Variants in WNT3 observed in about 807,000 individuals in gnomAD.
WNT3 encodes the protein Wnt family member 3, also known as proto-oncogene Wnt-3.
Under a neutral mutation model 34.2 loss-of-function variants are expected in WNT3, and 7 were observed. That is an observed-to-expected ratio of 0.20 (90% CI 0.12 to 0.38). The LOEUF (loss-of-function observed/expected upper bound fraction) is 0.38, where lower values mean the gene tolerates loss of function less well. WNT3 is among the 10% of genes least tolerant of loss of function. The pLI is 1.00. For synonymous variants in WNT3, 212 were observed against 211.5 expected (o/e 1.00, Z -0.02); for missense variants, 267 against 499.8 (o/e 0.53, Z 4.44).
intron 2 of WNT3, 33 bp downstream of exon 2, chr17:46,773,635 G>GGC: frequency 9.2e-6 from 2 of 218,074 alleles, no homozygotes; most frequent in Admixed American, 8.2e-5. Context: ...CCCCCACCCA[G>GGC]CCCCTCCCCC....
chr17:46,783,879 G>A (rs886363550), intron 1 of WNT3, among the ~76,000 whole-genome samples: 3 of 152,214 alleles, frequency 2.0e-5, no homozygotes, highest in African/African-American at 4.8e-5. Context: ...GACATTATTC[G>A]GACAAACTAG....
chr17:46,767,053 G>A (rs559312154), intron 4 of WNT3, among the ~76,000 whole-genome samples: 6 of 152,028 alleles, frequency 3.9e-5, no homozygotes, highest in Admixed American at 1.3e-4. Flanking sequence ...CTCATGCCTC[G>A]ACACACTAGG....
At chr17:46,770,917 A>G (rs969913197) in intron 2 of WNT3, among the ~76,000 whole-genome samples, 1 of 152,230 alleles carries the variant, frequency 6.6e-6, no homozygotes, top group African/African-American at 2.4e-5. Flanking sequence ...CTGCAGCCCA[A>G]CCATCTCTCT....
intron 1 of WNT3, among the ~76,000 whole-genome samples, chr17:46,775,572 GC>G (rs1471854416): frequency 6.6e-6 from 1 of 150,864 alleles, no homozygotes; most frequent in East Asian, 1.9e-4. Context: ...TAAGCACTGA[GC>G]TTTTTCTAAA....
chr17:46,818,564 G>GCA lies in WNT3; in HGVS notation c.33_34insTG (p.Leu12CysfsTer63), dbSNP rs1220417498. On this transcript the variant is annotated frameshift_variant, in exon 1 of 5. Coordinates refer to ENST00000225512, the MANE Select transcript of WNT3 (RefSeq NM_030753.5). LOFTEE classifies it high-confidence loss of function. Reference sequence around the variant, plus strand: ...AGGACCCTGGTGCCACCGAGCAGGAGGCCGAGGAGCAGCCCGAGCAGGTGG... The same window carrying GCA: ...AGGACCCTGGTGCCACCGAGCAGGAGCAGCCGAGGAGCAGCCCGAGCAGGTGG... 6.2e-7 allele frequency: 1 copy of GCA among 1,608,812 alleles called. No homozygotes were observed. Among genetic ancestry groups the GCA allele is most frequent in the Non-Finnish European group, 8.5e-7 (1 of 1,178,342 alleles).
intron 1 of WNT3, among the ~76,000 whole-genome samples, chr17:46,784,917 A>G (rs1323186442): frequency 6.6e-6 from 1 of 151,734 alleles, no homozygotes; most frequent in Non-Finnish European, 1.5e-5. Context: ...CTGGGACTAC[A>G]GGCACCCGCC....
intron 2 of WNT3, among the ~76,000 whole-genome samples, chr17:46,772,168 C>G (rs2059379936): frequency 6.6e-6 from 1 of 152,220 alleles, no homozygotes; most frequent in African/African-American, 2.4e-5. Context: ...TGGGCACCGA[C>G]CGGGGCGCGT....
At chr17:46,778,865 C>G (rs2059433317) in intron 1 of WNT3, among the ~76,000 whole-genome samples, 1 of 152,136 alleles carries the variant, frequency 6.6e-6, no homozygotes, top group Non-Finnish European at 1.5e-5. Context: ...CATTCTAAAG[C>G]CTTCTGTGAG....
intron 1 of WNT3, among the ~76,000 whole-genome samples, chr17:46,815,183 C>CAAGAAG (rs1296375015): frequency 1.3e-5 from 2 of 151,762 alleles, no homozygotes; most frequent in African/African-American, 4.8e-5. Context: ...CCAGCGCCCC[C>CAAGAAG]AAGAAGAAGA....
intron 1 of WNT3, among the ~76,000 whole-genome samples, chr17:46,804,388 G>A (rs1360228890): frequency 6.6e-6 from 1 of 152,080 alleles, no homozygotes; most frequent in Non-Finnish European, 1.5e-5. Flanking sequence ...CAACTAGCCT[G>A]TTTTTATTTT....
At chr17:46,787,599 C>A (rs764189512) in intron 1 of WNT3, among the ~76,000 whole-genome samples, 21 of 152,184 alleles carry the variant, frequency 1.4e-4, no homozygotes, top group Non-Finnish European at 2.6e-4. Flanking sequence ...GTGCCCCAGA[C>A]CTGATCATCT....
At chr17:46,803,863 CAG>C (rs2084158522) in intron 1 of WNT3, among the ~76,000 whole-genome samples, 1 of 152,358 alleles carries the variant, frequency 6.6e-6, no homozygotes, top group East Asian at 1.9e-4. Flanking sequence ...CCAGATACTC[CAG>C]GAGCCTAAAT....
At chr17:46,803,438 G>A (rs1172162633) in intron 1 of WNT3, among the ~76,000 whole-genome samples, 1 of 152,188 alleles carries the variant, frequency 6.6e-6, no homozygotes, top group East Asian at 1.9e-4. Context: ...CAAGGCTCAG[G>A]GAGGAGAATC....
chr17:46,803,360 C>T (rs2084151082), intron 1 of WNT3, among the ~76,000 whole-genome samples: 1 of 152,188 alleles, frequency 6.6e-6, no homozygotes. Flanking sequence ...ATGGCAAAAC[C>T]TTGTCTCTAC....
intron 3 of WNT3, 138 bp downstream of exon 3, chr17:46,769,645 A>C: frequency 4.4e-6 from 5 of 1,144,308 alleles, no homozygotes; most frequent in Non-Finnish European, 6.2e-6. Flanking sequence ...GGTGGGGAGG[A>C]GGCCAAGCCT....
At chr17:46,790,556 T>C (rs2083971335) in intron 1 of WNT3, among the ~76,000 whole-genome samples, 1 of 152,090 alleles carries the variant, frequency 6.6e-6, no homozygotes, top group African/African-American at 2.4e-5. Context: ...CTGGGTCCTC[T>C]GCCCTCCCCC....
At chr17:46,770,545 A>G (rs1203306331) in intron 2 of WNT3, among the ~76,000 whole-genome samples, 1 of 152,062 alleles carries the variant, frequency 6.6e-6, no homozygotes, top group African/African-American at 2.4e-5. Context: ...ACGTGGATGC[A>G]TAGGGACGGC....
At chr17:46,794,422 G>T (rs2084026322) in intron 1 of WNT3, among the ~76,000 whole-genome samples, 5 of 152,126 alleles carry the variant, frequency 3.3e-5, no homozygotes, top group Admixed American at 2.6e-4. Flanking sequence ...GAGCTAGAAG[G>T]AGCCTTGGGG....
intron 1 of WNT3, among the ~76,000 whole-genome samples, chr17:46,806,146 C>A (rs2084191497): frequency 6.6e-6 from 1 of 152,146 alleles, no homozygotes; most frequent in South Asian, 2.1e-4. Context: ...GAGCTCCTTA[C>A]AGCTCCTGGT....
Sources: allele counts gnomAD v4.1 joint callset (sites outside exome capture counted in the v4.1 genomes callset), GRCh38; gene constraint gnomAD v4.1.1; transcripts MANE v1.5; gene names NCBI Gene and HGNC (gene_info 2026-07-23, HGNC 2026-07-21).